IQSEC3: variants seen among roughly 807,000 people sequenced by gnomAD.
IQSEC3 encodes the protein IQ motif and SEC7 domain-containing protein 3.
In IQSEC3, 50 loss-of-function variants were observed where a neutral mutation model predicts 105.4. That is an observed-to-expected ratio of 0.47 (90% CI 0.38 to 0.60). The LOEUF (loss-of-function observed/expected upper bound fraction) is 0.60. Among genes scored for constraint, IQSEC3 ranks in the 20% least tolerant of loss-of-function variants. The probability of loss-of-function intolerance (pLI) is 0.00; values close to 1 mark genes in which losing one functional copy is unlikely to be tolerated. For missense variants in IQSEC3, 1,415 were observed against 1,630.0 expected, an observed-to-expected ratio of 0.87 and a Z score of 2.27; for synonymous variants, 708 against 746.0, an observed-to-expected ratio of 0.95 and a Z score of 0.83.
intron 2 of IQSEC3, among the ~76,000 whole-genome samples, chr12:100,367 T>C (rs1555075864): frequency 6.6e-6 from 1 of 152,136 alleles, no homozygotes; most frequent in African/African-American, 2.4e-5. Flanking sequence ...TGCTCACCAT[T>C]TTCAGGTTTA....
chr12:93,522 G>A (rs1864156567), intron 1 of IQSEC3, among the ~76,000 whole-genome samples: 1 of 152,226 alleles, frequency 6.6e-6, no homozygotes, highest in African/African-American at 2.4e-5. Flanking sequence ...AGAGGGGAAG[G>A]CTGTGGCCTG....
chr12:135,046 C>A, intron 3 of IQSEC3, among the ~76,000 whole-genome samples: 1 of 152,192 alleles, frequency 6.6e-6, no homozygotes, highest in Middle Eastern at 3.2e-3. Flanking sequence ...AGGAGAATCG[C>A]TTGAACCCAG....
Position 139,182 on chromosome 12 carries a change from G to A in IQSEC3, c.1819G>A (p.Ala607Thr), listed in dbSNP as rs752727349. Residue 607 changes from alanine to threonine, a missense_variant, in exon 4 of 14, where the codon GCC (alanine) becomes ACC (threonine). Transcript: ENST00000538872. ...LSSSSTSTKS[A>T]KSGSEASASA... ...CAGCAGCAGCACGTCCACCAAGTCC[G>A]CCAAGTCAGGCTCGGAGGCGTCGGC... 4 of 1,587,530 alleles carry A rather than the reference G, an allele frequency of 2.5e-6. No individual in the cohort carries two copies. Among genetic ancestry groups the A allele is most frequent in the East Asian group, 2.3e-5 (1 of 42,852 alleles).
chr12:128,741 G>T (rs1180068099), intron 3 of IQSEC3, among the ~76,000 whole-genome samples: 2 of 152,136 alleles, frequency 1.3e-5, no homozygotes, highest in African/African-American at 2.4e-5. Context: ...CCTCTTGCCT[G>T]CACGCCGGGA....
intron 2 of IQSEC3, among the ~76,000 whole-genome samples, chr12:122,809 A>G (rs1865262919): frequency 6.6e-6 from 1 of 152,206 alleles, no homozygotes; most frequent in Non-Finnish European, 1.5e-5. Context: ...CATTCCAGCA[A>G]TCAAAGAAAG....
rs572367293 is a variant in IQSEC3 at position 138,739 on chromosome 12, C to G, written c.1376C>G (p.Ala459Gly). The change falls in exon 4 of 14, where the codon GCG becomes GGG. Residue 459 changes from alanine to glycine, a missense_variant. Physicochemically the swap from Ala to Gly is moderately conservative, Grantham distance 60. Around this residue, in one of 6 missense-constraint regions of IQSEC3, gnomAD observed 720 missense variants for 633.0 expected, o/e 1.14. Transcript: ENST00000538872. The surrounding 1 kb of genome is among the most constrained non-coding windows in gnomAD (Gnocchi z 7.1). ...GCCGAGGGGCGGGCGCCGGAGAGCG[C>G]GGGCCCCGGGCCCGGGGATGACGCC... ...LEAEGRAPES[A>G]GPGPGDDAAE... 6.6e-6 allele frequency: 10 copies of G among 1,510,580 alleles called. No homozygotes were observed. The African/African-American group carries it at 1.3e-4, about 19-fold the overall frequency. 93.6% of individuals were successfully genotyped at this position (1,510,580 alleles called of 1,614,324 possible).
chr12:157,037 C>A lies in IQSEC3; in HGVS notation c.2166C>A (p.Asp722Glu). 1 of 1,602,838 alleles carries A rather than the reference C, an allele frequency of 6.2e-7. No individual in the cohort carries two copies. The highest frequency in any genetic ancestry group is 8.5e-7 in the Non-Finnish European group (1 of 1,174,204). ...FNRDVLDCVV[D>E]EMDFSSMELD... ...TGCCTGCCCTCAGCTGCGTGGTGGA[C>A]GAGATGGACTTCTCCAGCATGGAGC... The change falls in exon 6 of 14, where the codon GAC (aspartate) becomes GAA (glutamate). Residue 722 changes from aspartate to glutamate, a missense_variant. Transcript: ENST00000538872.
intron 11 of IQSEC3, among the ~76,000 whole-genome samples, chr12:168,157 A>C (rs1192032513): frequency 6.6e-6 from 1 of 152,230 alleles, no homozygotes; most frequent in Non-Finnish European, 1.5e-5. Context: ...GAGAAGCGGG[A>C]GGAGTGATTT....
intron 2 of IQSEC3, among the ~76,000 whole-genome samples, chr12:112,006 G>T (rs1235190858): frequency 2.0e-5 from 3 of 152,134 alleles, no homozygotes; most frequent in African/African-American, 7.2e-5. Context: ...CTCTCCCCTG[G>T]TTCCTCATAG....
intron 5 of IQSEC3, chr12:141,506 T>C: frequency 1.9e-6 from 1 of 517,804 alleles, no homozygotes; most frequent in East Asian, 3.0e-5. Flanking sequence ...CAGGCCAGGC[T>C]TCGTTTGAGG....
rs1555065333 is a variant in IQSEC3, at chr12:66,841, G to T, written c.-42G>T. 3.7e-6 allele frequency: 5 copies of T among 1,342,546 alleles called. No homozygotes were observed. Among genetic ancestry groups the T allele is most frequent in the Admixed American group, 4.0e-5 (1 of 24,968 alleles). The allele number at this position is 1,342,546 out of a possible 1,614,324, so 83.2% of individuals were successfully genotyped here. On this transcript the variant is annotated 5_prime_UTR_variant, in exon 1 of 14. Transcript: ENST00000538872. ...CTCCCGCGCCCTCGCGCTCCCCGCC[G>T]CCAGCCCAGGCGCAGGCAGGGCGCA...
chr12:139,353 A>G lies in IQSEC3; in HGVS notation c.1990A>G (p.Ile664Val), dbSNP rs1305361305. The change falls in exon 4 of 14, where the codon ATA becomes GTA. Residue 664 changes from isoleucine to valine, a missense_variant and splice_region_variant. Transcript: ENST00000538872. ...CCGCATCGGCCTCAACCTCTTCAAC[A>G]TGTAAGTCAGCCCCGGCCCCCAGCC... ...LYRIGLNLFN[I>V]NPDKGIQFLI... 1.9e-6 allele frequency: 3 copies of G among 1,549,714 alleles called. No homozygotes were observed. Among genetic ancestry groups the G allele is most frequent in the Non-Finnish European group, 2.6e-6 (3 of 1,144,366 alleles).
In IQSEC3 at chr12:87,739, G is replaced by A. The variant is rs73032196; in HGVS notation, c.555-11407G>A. ...AAATAATGACACTGAAGACCAGTGG[G>A]GGAGGAAAGGGGGTAAAGAGCGATA... is the stretch of plus-strand genomic sequence containing the variant. On this transcript the variant is annotated intron_variant, in intron 1 of 13. Coordinates refer to ENST00000538872, the MANE Select transcript of IQSEC3 (RefSeq NM_001170738.2). Among the ~76,000 whole-genome samples the A allele has an allele frequency of 8.0e-3, 1,214 of 152,282 alleles. 10 individuals are homozygous for A. Among genetic ancestry groups the A allele is most frequent in the Non-Finnish European group, 0.012 (831 of 68,032 alleles).
chr12:102,039 G>T (rs1864438071), intron 2 of IQSEC3, among the ~76,000 whole-genome samples: 1 of 152,076 alleles, frequency 6.6e-6, no homozygotes. Context: ...GCCCTCTGAG[G>T]AGATCTGGTA....
intron 2 of IQSEC3, among the ~76,000 whole-genome samples, chr12:107,657 A>T (rs10849552): frequency 6.6e-6 from 1 of 151,196 alleles, no homozygotes; most frequent in Non-Finnish European, 1.5e-5. Context: ...TGATCCGCCC[A>T]CCTCGGCCTC....
chr12:174,943 A>AC lies in IQSEC3; in HGVS notation c.3465dup (p.Tyr1156LeufsTer97), dbSNP rs748013791. 7 of 554,050 alleles carry AC rather than the reference A, an allele frequency of 1.3e-5. No individual in the cohort carries two copies. The highest frequency in any genetic ancestry group is 1.6e-5 in the Non-Finnish European group (6 of 366,040). The allele number at this position is 554,050 out of a possible 1,614,324, so 34.3% of individuals were successfully genotyped here. A position where few individuals can be genotyped will look rare whatever the true frequency, so the allele number is the denominator to read the frequency against. On this transcript the variant is annotated frameshift_variant, in exon 14 of 14. Transcript: ENST00000538872. LOFTEE classifies it high-confidence loss of function. ...ACCAGCCTCCGCTGCCCCCGCCCCC[A>AC]CCCCCCTACAACCACCCTCACCAGT...
intron 5 of IQSEC3, among the ~76,000 whole-genome samples, chr12:145,237 C>T (rs1313341327): frequency 2.0e-5 from 3 of 152,164 alleles, no homozygotes; most frequent in Non-Finnish European, 1.5e-5. Context: ...ACATGAAGTG[C>T]CTGATGCTTA....
At chr12:76,992 C>T (rs1232633525) in intron 1 of IQSEC3, among the ~76,000 whole-genome samples, 2 of 152,386 alleles carry the variant, frequency 1.3e-5, no homozygotes, top group Admixed American at 6.5e-5. Context: ...TGAATGATTC[C>T]TATCTACCAC....
Position 169,181 on chromosome 12 carries a change from T to G in IQSEC3, c.3064+76T>G, listed in dbSNP as rs536112525. On this transcript the variant is annotated intron_variant, in intron 12 of 13. Transcript: ENST00000538872. ...GACCCTGGGTGTGGGTCCTGGGCAA[T>G]CTGCAGGGAGAGGTGCCCATTCCCG... The G allele has an allele frequency of 5.8e-6, 7 of 1,207,114 alleles. No homozygotes were observed. The East Asian group carries it at 1.7e-4, about 28-fold the overall frequency. 74.8% of individuals were successfully genotyped at this position (1,207,114 alleles called of 1,614,324 possible). A position where few individuals can be genotyped will look rare whatever the true frequency, so the allele number is the denominator to read the frequency against.
Sources: gnomAD v4.1 joint callset for allele counts (sites outside exome capture counted in the v4.1 genomes callset) on GRCh38, gnomAD v4.1.1 for gene constraint, gnomAD v4.1.1 regional missense constraint, Gnocchi (gnomAD v3.1) non-coding constraint, MANE v1.5 for transcripts, NCBI Gene and HGNC (gene_info 2026-07-23, HGNC 2026-07-21) for gene names.